Variants in DIP2C observed in about 807,000 individuals in gnomAD.
DIP2C encodes the protein disco-interacting protein 2 homolog C.
A neutral mutation model predicts 192.4 loss-of-function variants in DIP2C; 33 were observed. The ratio of observed to expected loss-of-function variants is 0.17; its 90% CI spans 0.13 to 0.23. The LOEUF (loss-of-function observed/expected upper bound fraction) is 0.23, where lower values mean the gene tolerates loss of function less well. Among genes scored for constraint, DIP2C ranks in the 10% least tolerant of loss-of-function variants. The pLI is 1.00. For missense variants in DIP2C, 1,537 were observed against 2,110.1 expected, an observed-to-expected ratio of 0.73 and a Z score of 5.32; for synonymous variants, 979 against 864.1, an observed-to-expected ratio of 1.13 and a Z score of -2.33.
In DIP2C at chr10:296,397, G is replaced by A. The variant is rs147594335; in HGVS notation, c.3987-7976C>T. 2.3e-3 allele frequency among the ~76,000 whole-genome samples: 341 copies of A among 148,596 alleles called. 1 individual carries two copies. The highest frequency in any genetic ancestry group is 7.5e-3 in the African/African-American group (306 of 40,746). On this transcript the variant is annotated intron_variant, in intron 32 of 36. Coordinates refer to ENST00000280886, the MANE Select transcript of DIP2C (RefSeq NM_014974.3). ...AAAAAGTCAGGAAACAACAGGTGCTGGAGAGGGTATGGAGAAACAGGGACA... is the reference window on the plus strand; with the variant it reads ...AAAAAGTCAGGAAACAACAGGTGCTAGAGAGGGTATGGAGAAACAGGGACA...
At chr10:337,580 G>A (rs1244178643) in intron 29 of DIP2C, among the ~76,000 whole-genome samples, 3 of 127,148 alleles carry the variant, frequency 2.4e-5, no homozygotes, top group African/African-American at 8.9e-5. Flanking sequence ...GGCCTAGGCT[G>A]ATGTGTGTGT....
In DIP2C at chr10:320,366, G is replaced by A. The variant is rs560917956; in HGVS notation, c.3924+6640C>T. Among the ~76,000 whole-genome samples, 87 of 152,152 alleles carry A rather than the reference G, an allele frequency of 5.7e-4. 1 individual carries two copies. The highest frequency in any genetic ancestry group is 1.7e-3 in the African/African-American group (70 of 41,504). ...CTGCTAAATATACAAAAATTAGCTC[G>A]GCGAGGTGGCAGGTGCCTGTAATAC... is the stretch of plus-strand genomic sequence containing the variant. On this transcript the variant is annotated intron_variant, in intron 31 of 36. Coordinates refer to ENST00000280886, the MANE Select transcript of DIP2C (RefSeq NM_014974.3).
chr10:408,940 G>A lies in DIP2C; in HGVS notation c.1135C>T (p.Arg379Trp). The A allele has an allele frequency of 1.9e-6, 3 of 1,614,156 alleles. No individual in the cohort carries two copies. Among genetic ancestry groups the A allele is most frequent in the Non-Finnish European group, 2.5e-6 (3 of 1,180,022 alleles). The part of the protein sequence containing the change: ...KLGTKQEPMV[R>W]PGDRVALVFP... ...GTTGCACTTACCCTATCTCCAGGCC[G>A]GACCATGGGTTCCTGCTTTGTGCCT... Residue 379 changes from arginine to tryptophan, a missense_variant, in exon 9 of 37, where the codon CGG (arginine) becomes TGG (tryptophan). This residue lies in a region of DIP2C where 473 missense variants were observed against 539.6 expected (regional missense o/e 0.88). Transcript: ENST00000280886.
chr10:650,853 G>C (rs753488933), intron 1 of DIP2C: 20 of 716,632 alleles, frequency 2.8e-5, no homozygotes, highest in African/African-American at 1.0e-4. Flanking sequence ...ACTTGTGAGA[G>C]GTCCGTGGCA....
chr10:497,955 T>C (rs1180300050), intron 1 of DIP2C, among the ~76,000 whole-genome samples: 1 of 152,230 alleles, frequency 6.6e-6, no homozygotes, highest in Non-Finnish European at 1.5e-5. Context: ...CACAGCAGCC[T>C]TGACCTTCCA....
chr10:323,439 G>A lies in DIP2C; in HGVS notation c.3924+3567C>T, dbSNP rs1245724325. ...GCGCTGTTAGAACAGTCAGTCGGGG[G>A]TGCGGGGCTCCAGCGAGAGACCAGC... On this transcript the variant is annotated intron_variant, in intron 31 of 36. Transcript: ENST00000280886. Among the ~76,000 whole-genome samples the A allele has an allele frequency of 6.6e-5, 4 of 60,512 alleles. 1 individual carries two copies. The East Asian group carries it at 1.7e-3, about 26-fold the overall frequency. 39.7% of individuals were successfully genotyped at this position (60,512 alleles called of 152,430 possible). A position where few individuals can be genotyped will look rare whatever the true frequency, so the allele number is the denominator to read the frequency against.
intron 29 of DIP2C, among the ~76,000 whole-genome samples, chr10:333,672 C>G (rs1042088919): frequency 6.6e-6 from 1 of 152,382 alleles, no homozygotes; most frequent in East Asian, 1.9e-4. Context: ...TGCAGCAAGT[C>G]TGCTTAATTA....
intron 18 of DIP2C, among the ~76,000 whole-genome samples, 156 bp from the exon 19 acceptor site, chr10:366,567 C>T (rs1960237933): frequency 6.6e-6 from 1 of 152,172 alleles, no homozygotes; most frequent in Admixed American, 6.5e-5. Context: ...CTCATTTTCC[C>T]TAAAGAGCCA....
chr10:423,231 C>T (rs959734161), intron 4 of DIP2C, among the ~76,000 whole-genome samples, 198 bp from the exon 5 acceptor site: 3 of 152,212 alleles, frequency 2.0e-5, no homozygotes, highest in African/African-American at 4.8e-5. Flanking sequence ...TCATCCAACA[C>T]ACCTTATATA....
In DIP2C at chr10:310,079, G is replaced by A; in HGVS notation, c.3938C>T (p.Pro1313Leu). Residue 1313 changes from proline (P) to leucine (L), a missense_variant, in exon 32 of 37, where the codon CCT becomes CTT. Around this residue, in one of 4 missense-constraint regions of DIP2C, gnomAD observed 341 missense variants for 551.7 expected, o/e 0.62. Transcript: ENST00000280886. ...LAICLQGTSG[P>L]DPTTVYVDMR... ...GTCCACGTAGACAGTGGTTGGGTCA[G>A]GTCCTGAGGTTCCCTGCAAGCAACA... 6.2e-7 allele frequency: 1 copy of A among 1,614,204 alleles called. No homozygotes were observed. Among genetic ancestry groups the A allele is most frequent in the Non-Finnish European group, 8.5e-7 (1 of 1,180,034 alleles).
rs1171026515 is a variant in DIP2C, at chr10:276,398, T to G, written c.*927A>C. 6.6e-6 allele frequency: 1 copy of G among 152,652 alleles called. No individual in the cohort carries two copies. Among genetic ancestry groups the G allele is most frequent in the Non-Finnish European group, 1.5e-5 (1 of 68,038 alleles). 9.5% of individuals were successfully genotyped at this position (152,652 alleles called of 1,614,324 possible). On this transcript the variant is annotated 3_prime_UTR_variant, in exon 37 of 37. Transcript: ENST00000280886. ...GAGTACGGGGGGCACACCATGCAAGTGACAAGTTCTGCATCTTAAACTTTA... is the reference window on the plus strand; with the variant it reads ...GAGTACGGGGGGCACACCATGCAAGGGACAAGTTCTGCATCTTAAACTTTA...
At chr10:668,485 TTCATACAACACAACAC>T (rs1248881035) in intron 1 of DIP2C, 1 of 150,886 alleles carries the variant, frequency 6.6e-6, no homozygotes, top group Non-Finnish European at 1.5e-5. Context: ...ACAACACACA[TTCATACAACACAACAC>T]TCATACAACA....
At chr10:609,574 T>C (rs72774579) in intron 1 of DIP2C, among the ~76,000 whole-genome samples, 2,040 of 152,328 alleles carry the variant, frequency 0.013, 15 homozygotes, top group Non-Finnish European at 0.023. Flanking sequence ...CCTTTATCTT[T>C]GACATGAAGG....
chr10:543,309 T>G (rs922829083), intron 1 of DIP2C, among the ~76,000 whole-genome samples: 1 of 152,228 alleles, frequency 6.6e-6, no homozygotes, highest in Non-Finnish European at 1.5e-5. Context: ...CCATCACTGA[T>G]TTCAGTAGCG....
chr10:348,820 T>C, intron 25 of DIP2C, 58 bp from the exon 26 acceptor site: 1 of 1,591,352 alleles, frequency 6.3e-7, no homozygotes, highest in Non-Finnish European at 8.5e-7. Context: ...GTGCACACTC[T>C]CCCTGTCAGC....
chr10:424,983 G>A (rs1363958545), intron 4 of DIP2C, among the ~76,000 whole-genome samples: 1 of 142,928 alleles, frequency 7.0e-6, no homozygotes, highest in Non-Finnish European at 1.5e-5. Context: ...TGACTAATAC[G>A]ACACGGATGA....
chr10:398,616 T>C (rs1473297653), intron 10 of DIP2C, among the ~76,000 whole-genome samples: 1 of 152,230 alleles, frequency 6.6e-6, no homozygotes, highest in East Asian at 1.9e-4. Context: ...TTGAAACCTG[T>C]CTCAAATACT....
intron 3 of DIP2C, among the ~76,000 whole-genome samples, chr10:459,378 C>G (rs112144191): frequency 1.1e-4 from 17 of 151,958 alleles, no homozygotes; most frequent in African/African-American, 4.1e-4. Context: ...CCAGAGGACA[C>G]GGGACCGGGA....
intron 1 of DIP2C, among the ~76,000 whole-genome samples, chr10:672,478 A>T (rs1830700053): frequency 2.0e-5 from 3 of 152,242 alleles, no homozygotes; most frequent in Admixed American, 6.5e-5. Flanking sequence ...CCCAGAGGCG[A>T]GGCTGGGGAG....
Sources: gnomAD v4.1 joint callset for allele counts (sites outside exome capture counted in the v4.1 genomes callset) on GRCh38, gnomAD v4.1.1 for gene constraint, gnomAD v4.1.1 regional missense constraint, MANE v1.5 for transcripts, NCBI Gene and HGNC (gene_info 2026-07-23, HGNC 2026-07-21) for gene names.